The following SLC29A3 variants were observed in gnomAD, a reference collection of about 807,000 sequenced individuals.
The protein encoded by SLC29A3 is solute carrier family 29 member 3, also known as equilibrative nucleoside transporter 3.
Under a neutral mutation model 25.4 loss-of-function variants are expected in SLC29A3, and 18 were observed. The ratio of observed to expected loss-of-function variants is 0.71; its 90% CI spans 0.49 to 1.05. The LOEUF is 1.05. SLC29A3 is among the 50% of genes least tolerant of loss of function. The probability of loss-of-function intolerance (pLI) is 0.00; values close to 1 mark genes in which losing one functional copy is unlikely to be tolerated. For synonymous variants in SLC29A3, 258 were observed against 267.1 expected (o/e 0.97, Z 0.33); for missense variants, 586 against 609.0 (o/e 0.96, Z 0.40).
At position 71,344,193 on chromosome 10, in the gene SLC29A3, A is replaced by G. The variant is rs552441379; in HGVS notation, c.301-16A>G. On this transcript the variant is annotated splice_polypyrimidine_tract_variant and intron_variant, in intron 2 of 5. Coordinates refer to ENST00000373189, the MANE Select transcript of SLC29A3 (RefSeq NM_018344.6). ...CCCTGAGTGACCGCAGCACCTCCTCACTTGTGTGCTTGCAGAACTACTTTG... is the reference window on the plus strand; with the variant it reads ...CCCTGAGTGACCGCAGCACCTCCTCGCTTGTGTGCTTGCAGAACTACTTTG... The G allele has an allele frequency of 1.2e-6, 2 of 1,607,814 alleles. No homozygotes were observed. The highest frequency in any genetic ancestry group is 2.2e-5 in the South Asian group (2 of 90,962).
intron 2 of SLC29A3, among the ~76,000 whole-genome samples, chr10:71,335,596 T>C (rs1374338823): frequency 2.1e-4 from 32 of 152,056 alleles, no homozygotes; most frequent in Admixed American, 2.1e-3. Context: ...AGTCAGGTGA[T>C]GTGGAGACGG....
chr10:71,362,229 C>T lies in SLC29A3; in HGVS notation c.1049C>T (p.Thr350Ile), dbSNP rs1378894193. Residue 350 changes from threonine to isoleucine, a missense_variant, in exon 6 of 6, where the codon ACT becomes ATT. Thr to Ile is a moderately conservative substitution (Grantham distance 89). Coordinates refer to ENST00000373189, the MANE Select transcript of SLC29A3 (RefSeq NM_018344.6). ...ACCACCAAGTTTTTCATCCCCCTCA[C>T]TACCTTCCTCCTGTACAACTTTGCT... ...LWTTKFFIPLTTFLLYNFADL... is the reference protein window; with the variant it reads ...LWTTKFFIPLITFLLYNFADL... 1 of 1,614,198 alleles carries T rather than the reference C, an allele frequency of 6.2e-7. No individual in the cohort carries two copies. The highest frequency in any genetic ancestry group is 2.2e-5 in the East Asian group (1 of 44,884).
rs1186709609 is a variant in SLC29A3 at position 71,360,123 on chromosome 10, GTCT to G, written c.774-1820_774-1818del. On this transcript the variant is annotated intron_variant, in intron 5 of 5. Coordinates refer to ENST00000373189, the MANE Select transcript of SLC29A3 (RefSeq NM_018344.6). ...AATGTGGTCCTTGCTCCAGGAACCT[GTCT>G]TCTTCTTCTTTTTTTTTTTTTTTTT... 6.1e-3 allele frequency among the ~76,000 whole-genome samples: 814 copies of G among 133,708 alleles called. 7 individuals carry two copies. Among genetic ancestry groups the G allele is most frequent in the African/African-American group, 0.021 (768 of 36,254 alleles). The allele number at this position is 133,708 out of a possible 152,430, so 87.7% of individuals were successfully genotyped here.
chr10:71,374,751 C>G (rs527796365), intron 3 of SLC29A3, among the ~76,000 whole-genome samples: 1 of 152,270 alleles, frequency 6.6e-6, no homozygotes, highest in African/African-American at 2.4e-5. Context: ...ACCTCCTTGG[C>G]TTGCCGCTAG....
intron 4 of SLC29A3, 114 bp from the exon 5 acceptor site, chr10:71,355,967 T>C: frequency 2.4e-6 from 3 of 1,264,476 alleles, no homozygotes; most frequent in Non-Finnish European, 3.4e-6. Flanking sequence ...GCTTTGGCAT[T>C]TTTCGCACGG....
At chr10:71,360,296 A>G (rs925522668) in intron 5 of SLC29A3, among the ~76,000 whole-genome samples, 1 of 151,522 alleles carries the variant, frequency 6.6e-6, no homozygotes, top group Non-Finnish European at 1.5e-5. Flanking sequence ...GTTGCACACC[A>G]CCATGCCTGG....
At chr10:71,358,010 G>A (rs990251131) in intron 5 of SLC29A3, among the ~76,000 whole-genome samples, 6 of 152,186 alleles carry the variant, frequency 3.9e-5, no homozygotes, top group East Asian at 1.9e-4. Context: ...AGCAGTTTAT[G>A]TGTATATTTT....
Position 71,356,246 on chromosome 10 carries a change from G to A in SLC29A3, c.773+3G>A, listed in dbSNP as rs1319215257. 1.2e-6 allele frequency: 2 copies of A among 1,612,900 alleles called. No individual in the cohort carries two copies. The highest frequency in any genetic ancestry group is 1.3e-5 in the African/African-American group (1 of 74,932). ...CTGTCCAGGCTGGAGTATGCCAGGT[G>A]AAGGTGCCACTCACTGTCCATGCCT... On this transcript the variant is annotated splice_donor_region_variant and intron_variant, in intron 5 of 5. Transcript: ENST00000373189.
chr10:71,362,440 C>G lies in SLC29A3; in HGVS notation c.1260C>G (p.Ser420=), dbSNP rs756491296. ...QSDVYPALLS[S]LLGLSNGYLS... is the part of the protein sequence containing the mutation. The stretch of plus-strand genomic sequence containing the variant: ...ATGTGTACCCCGCACTCCTCAGCTC[C>G]CTGCTGGGGCTCAGCAACGGCTACC... Residue 420 remains serine, a synonymous_variant, in exon 6 of 6, where the codon TCC becomes TCG. Coordinates refer to ENST00000373189, the MANE Select transcript of SLC29A3 (RefSeq NM_018344.6). The G allele has an allele frequency of 3.1e-6, 5 of 1,614,220 alleles. No individual in the cohort carries two copies. In the South Asian group the frequency reaches 5.5e-5, roughly 18 times the overall value.
chr10:71,370,248 G>A (rs922753604), intron 3 of SLC29A3, among the ~76,000 whole-genome samples: 10 of 152,224 alleles, frequency 6.6e-5, no homozygotes, highest in African/African-American at 1.4e-4. Flanking sequence ...CCAAGGAACC[G>A]TGGGTGGGTC....
At chr10:71,329,001 G>A (rs1236540338) in intron 2 of SLC29A3, among the ~76,000 whole-genome samples, 2 of 152,220 alleles carry the variant, frequency 1.3e-5, no homozygotes, top group African/African-American at 4.8e-5. Flanking sequence ...ATGAGCTTGT[G>A]TGGAGAAGAG....
chr10:71,335,441 G>A (rs1008494914), intron 2 of SLC29A3, among the ~76,000 whole-genome samples: 1 of 152,348 alleles, frequency 6.6e-6, no homozygotes, highest in East Asian at 1.9e-4. Flanking sequence ...AGGAGGAGGG[G>A]CGTGGCAGTC....
intron 4 of SLC29A3, among the ~76,000 whole-genome samples, chr10:71,353,640 C>G (rs1564538921): frequency 1.3e-5 from 2 of 152,158 alleles, no homozygotes; most frequent in Non-Finnish European, 2.9e-5. Flanking sequence ...GTATTGGGCC[C>G]TCGTGGGTGC....
chr10:71,321,778 TCCATTTATCTTAGGCGCTA>T (rs1845851055), intron 1 of SLC29A3, among the ~76,000 whole-genome samples: 1 of 152,244 alleles, frequency 6.6e-6, no homozygotes, highest in Non-Finnish European at 1.5e-5. Context: ...CCTAGGCTCT[TCCATTTATCTTAGGCGCTA>T]CCATAGATTG....
chr10:71,330,831 C>T (rs1355310582), intron 2 of SLC29A3, among the ~76,000 whole-genome samples: 1 of 150,684 alleles, frequency 6.6e-6, no homozygotes, highest in Non-Finnish European at 1.5e-5. Flanking sequence ...CTACTGTGTA[C>T]TAGAAGCTTT....
At chr10:71,371,904 A>G (rs1282760222) in intron 3 of SLC29A3, among the ~76,000 whole-genome samples, 1 of 152,234 alleles carries the variant, frequency 6.6e-6, no homozygotes, top group Non-Finnish European at 1.5e-5. Flanking sequence ...GACAGAAATA[A>G]TAGCCCAGTT....
At chr10:71,327,118 G>A (rs1349785565) in intron 2 of SLC29A3, among the ~76,000 whole-genome samples, 1 of 152,178 alleles carries the variant, frequency 6.6e-6, no homozygotes, top group Non-Finnish European at 1.5e-5. Context: ...GGGTCTAGAT[G>A]TTTATTCTTT....
At chr10:71,334,946 C>CA (rs1554815394) in intron 2 of SLC29A3, among the ~76,000 whole-genome samples, 1 of 128,902 alleles carries the variant, frequency 7.8e-6, no homozygotes, top group Non-Finnish European at 1.6e-5. Flanking sequence ...GCTGTTGACT[C>CA]TTTTTTTTTC....
chr10:71,378,225 C>T (rs1039638369), intron 4 of SLC29A3, among the ~76,000 whole-genome samples: 12 of 152,006 alleles, frequency 7.9e-5, no homozygotes, highest in East Asian at 3.9e-4. Flanking sequence ...AAATATACGA[C>T]CATATGAATG....
Sources: gnomAD v4.1 joint callset for allele counts (sites outside exome capture counted in the v4.1 genomes callset) on GRCh38, gnomAD v4.1.1 for gene constraint, MANE v1.5 for transcripts, NCBI Gene and HGNC (gene_info 2026-07-23, HGNC 2026-07-21) for gene names.